KIF26B: variants seen among roughly 807,000 people sequenced by gnomAD.
The protein encoded by KIF26B is kinesin-like protein KIF26B.
A neutral mutation model predicts 151.2 loss-of-function variants in KIF26B; 63 were observed. The observed-to-expected ratio is 0.42, with a 90% CI of 0.34 to 0.51. KIF26B has a LOEUF of 0.51. KIF26B is among the 20% of genes least tolerant of loss of function. KIF26B has a pLI of 0.07. For missense variants in KIF26B, 2,813 were observed against 2,913.6 expected (o/e 0.97, Z 0.79); for synonymous variants, 1,357 against 1,262.1 (o/e 1.08, Z -1.59).
chr1:245,223,293 C>T (rs1425912762), intron 2 of KIF26B, among the ~76,000 whole-genome samples: 1 of 152,174 alleles, frequency 6.6e-6, no homozygotes, highest in Non-Finnish European at 1.5e-5. Flanking sequence ...CTTCCTCCTA[C>T]ATATTTAAGT....
At chr1:245,359,972 A>G (rs770370933) in intron 2 of KIF26B, among the ~76,000 whole-genome samples, 4 of 151,020 alleles carry the variant, frequency 2.6e-5, no homozygotes, top group Admixed American at 6.6e-5. Flanking sequence ...TCCCAGGTTC[A>G]AGTGATTCTC....
intron 5 of KIF26B, among the ~76,000 whole-genome samples, chr1:245,565,276 T>G (rs563172299): frequency 1.3e-5 from 2 of 148,198 alleles, no homozygotes; most frequent in Non-Finnish European, 3.0e-5. Flanking sequence ...ATTCTGTTGT[T>G]TTTTTTGGGT....
At chr1:245,413,439 G>C (rs1674335580) in intron 3 of KIF26B, among the ~76,000 whole-genome samples, 1 of 152,164 alleles carries the variant, frequency 6.6e-6, no homozygotes, top group Non-Finnish European at 1.5e-5. Context: ...GAGGTGGATG[G>C]ATCACAAGGT....
intron 2 of KIF26B, among the ~76,000 whole-genome samples, chr1:245,308,481 C>A (rs1199464780): frequency 6.6e-6 from 1 of 152,124 alleles, no homozygotes; most frequent in Non-Finnish European, 1.5e-5. Flanking sequence ...TGGATACCTG[C>A]CTTGCTCTAA....
chr1:245,615,443 A>G (rs1240752041), intron 9 of KIF26B, among the ~76,000 whole-genome samples: 2 of 152,220 alleles, frequency 1.3e-5, no homozygotes, highest in Non-Finnish European at 1.5e-5. Context: ...GAAACAGTTC[A>G]TTAAATGACT....
chr1:245,176,165 A>AT, intron 2 of KIF26B, among the ~76,000 whole-genome samples: 1 of 151,708 alleles, frequency 6.6e-6, no homozygotes, highest in Non-Finnish European at 1.5e-5. Context: ...ACGCCCAGCT[A>AT]ATTTTGTATT....
At chr1:245,364,432 T>TC (rs1672895605) in intron 2 of KIF26B, among the ~76,000 whole-genome samples, 2 of 146,282 alleles carry the variant, frequency 1.4e-5, no homozygotes, top group African/African-American at 5.1e-5. Context: ...CTTTTTTTTT[T>TC]TTTTTTTTTT....
Position 245,274,466 on chromosome 1 carries a change from C to T in KIF26B, c.466-92368C>T, listed in dbSNP as rs191699655. 2.1e-3 allele frequency among the ~76,000 whole-genome samples: 320 copies of T among 151,726 alleles called. 2 individuals carry two copies. Among genetic ancestry groups the T allele is most frequent in the African/African-American group, 7.3e-3 (303 of 41,372 alleles). ...TTCAACTCCCACTTATGAGTGAGAA[C>T]ATGCGGTGTTTGGTTTTCTGTTCTT... On this transcript the variant is annotated intron_variant, in intron 2 of 14. Transcript: ENST00000407071.
At chr1:245,164,511 C>T (rs1424448178) in intron 2 of KIF26B, among the ~76,000 whole-genome samples, 1 of 152,184 alleles carries the variant, frequency 6.6e-6, no homozygotes, top group East Asian at 1.9e-4. Flanking sequence ...CAGAGACAGG[C>T]AAGGAACGTG....
chr1:245,631,286 G>A (rs1558244044), intron 9 of KIF26B, among the ~76,000 whole-genome samples: 1 of 152,106 alleles, frequency 6.6e-6, no homozygotes, highest in African/African-American at 2.4e-5. Flanking sequence ...CCTTTGCTAT[G>A]CTGAGGCATG....
At chr1:245,608,361 C>G (rs1189036759) in intron 7 of KIF26B, among the ~76,000 whole-genome samples, 1 of 152,194 alleles carries the variant, frequency 6.6e-6, no homozygotes, top group South Asian at 2.1e-4. Context: ...AATTGAGGAG[C>G]TTCAAAAACT....
At chr1:245,671,122 T>G (rs2044281157) in intron 10 of KIF26B, among the ~76,000 whole-genome samples, 1 of 152,206 alleles carries the variant, frequency 6.6e-6, no homozygotes, top group African/African-American at 2.4e-5. Flanking sequence ...GTTCCTGGCT[T>G]ATTTCACAAA....
chr1:245,501,006 G>C (rs1468317221), intron 4 of KIF26B, among the ~76,000 whole-genome samples: 6 of 152,176 alleles, frequency 3.9e-5, no homozygotes, highest in Admixed American at 3.9e-4. Flanking sequence ...TTAAAATCAA[G>C]ACCACTTACT....
intron 5 of KIF26B, among the ~76,000 whole-genome samples, chr1:245,579,606 T>A (rs1344215669): frequency 6.6e-6 from 1 of 152,086 alleles, no homozygotes; most frequent in African/African-American, 2.4e-5. Flanking sequence ...GGTCGGGAGT[T>A]CCAGACCAGC....
In KIF26B at chr1:245,166,075, C is replaced by G. The variant is rs879800509; in HGVS notation, c.465+9392C>G. On this transcript the variant is annotated intron_variant, in intron 2 of 14. Coordinates refer to ENST00000407071, the MANE Select transcript of KIF26B (RefSeq NM_018012.4). The surrounding 1 kb of genome is among the most constrained non-coding windows in gnomAD (Gnocchi z 4.5). ...CACTTAGGGTGTGACCTTGGGCAAG[C>G]CTTGGTCTTTCTAAACGTGGTTATT... is the stretch of plus-strand genomic sequence containing the variant. Among the ~76,000 whole-genome samples the G allele has an allele frequency of 6.6e-6, 1 of 152,154 alleles. No individual in the cohort carries two copies. Among genetic ancestry groups the G allele is most frequent in the East Asian group, 1.9e-4 (1 of 5,198 alleles).
chr1:245,444,210 A>AGGTCATTTCCTTCACTGTTCACCCTGC (rs1157636033), intron 4 of KIF26B, among the ~76,000 whole-genome samples: 1 of 137,630 alleles, frequency 7.3e-6, no homozygotes. Flanking sequence ...CCTAGAGGAG[A>AGGTCATTTCCTTCACTGTTCACCCTGC]GGTCATCTCC....
At position 245,660,952 on chromosome 1, in the gene KIF26B, T is replaced by C. The variant is rs2044129495; in HGVS notation, c.2258+14672T>C. Among the ~76,000 whole-genome samples the C allele has an allele frequency of 3.3e-5, 5 of 151,860 alleles. No homozygotes were observed. In the South Asian group the frequency reaches 1.0e-3, roughly 32 times the overall value. On this transcript the variant is annotated intron_variant, in intron 10 of 14. Coordinates refer to ENST00000407071, the MANE Select transcript of KIF26B (RefSeq NM_018012.4). ...TGCCTCAACCTCCTGTAGCTGGGAC[T>C]ACAGGCGTGTGCCACCATCCCTGGC...
intron 3 of KIF26B, among the ~76,000 whole-genome samples, chr1:245,401,195 A>G (rs938902104): frequency 6.6e-6 from 1 of 152,238 alleles, no homozygotes; most frequent in Admixed American, 6.5e-5. Flanking sequence ...GGTCTGATTA[A>G]TATAGAGTTT....
chr1:245,654,231 G>A (rs1487887153), intron 10 of KIF26B, among the ~76,000 whole-genome samples: 1 of 152,130 alleles, frequency 6.6e-6, no homozygotes, highest in Non-Finnish European at 1.5e-5. Flanking sequence ...GGTAAAAAAG[G>A]GAAATAAATC....
Sources: allele counts gnomAD v4.1 joint callset (sites outside exome capture counted in the v4.1 genomes callset), GRCh38; gene constraint gnomAD v4.1.1; non-coding constraint Gnocchi (gnomAD v3.1); transcripts MANE v1.5; gene names NCBI Gene and HGNC (gene_info 2026-07-23, HGNC 2026-07-21).